Variants in TXK observed in about 807,000 individuals in gnomAD.
TXK encodes the protein TXK tyrosine kinase, also known as tyrosine-protein kinase TXK.
Under a neutral mutation model 81.0 loss-of-function variants are expected in TXK, and 60 were observed. That is an observed-to-expected ratio of 0.74 (90% confidence interval 0.60 to 0.92). The LOEUF (loss-of-function observed/expected upper bound fraction) is 0.92, where lower values mean the gene tolerates loss of function less well. TXK is among the 40% of genes least tolerant of loss of function. The pLI is 0.00. For synonymous variants in TXK, 203 were observed against 210.7 expected (o/e 0.96, Z 0.32); for missense variants, 581 against 638.3 (o/e 0.91, Z 0.97).
intron 1 of TXK, among the ~76,000 whole-genome samples, chr4:48,126,281 T>G (rs59378694): frequency 0.022 from 3,367 of 152,348 alleles, 138 homozygotes; most frequent in African/African-American, 0.078. Flanking sequence ...ACTCCATGAA[T>G]AGTAAATCTA....
chr4:48,090,018 T>A lies in TXK; in HGVS notation c.710-194A>T, dbSNP rs1435988375. On this transcript the variant is annotated intron_variant, in intron 8 of 14. Coordinates refer to ENST00000264316, the MANE Select transcript of TXK (RefSeq NM_003328.3). The stretch of plus-strand genomic sequence containing the variant: ...TACTCATTGTATACAATTTAAAGAA[T>A]CTAAGGAAGTATAAAGATGACCCTA... 3.9e-5 allele frequency among the ~76,000 whole-genome samples: 6 copies of A among 152,126 alleles called. No individual in the cohort carries two copies. In the East Asian group the frequency reaches 1.2e-3, roughly 29 times the overall value.
intron 1 of TXK, among the ~76,000 whole-genome samples, chr4:48,132,337 A>T (rs1290860945): frequency 1.3e-5 from 2 of 152,186 alleles, no homozygotes; most frequent in Non-Finnish European, 2.9e-5. Flanking sequence ...AAGTATTTCC[A>T]AAACTGCACA....
At chr4:48,073,127 A>G (rs2109397731) in intron 13 of TXK, among the ~76,000 whole-genome samples, 1 of 138,356 alleles carries the variant, frequency 7.2e-6, no homozygotes, top group East Asian at 2.1e-4. Context: ...GAGTCTTGCT[A>G]GGTTGCCCAG....
rs1717538031 is a variant in TXK at position 48,086,553 on chromosome 4, C to T, written c.869G>A (p.Trp290Ter). ...GATAGCTACCTGGATATGTGACCGCCATTCACCTAAATGGACCACTCCAAA... is the reference window on the plus strand; with the variant it reads ...GATAGCTACCTGGATATGTGACCGCTATTCACCTAAATGGACCACTCCAAA... ...GQFGVVHLGE[W>*]RSHIQVAIKA... Residue 290 changes from tryptophan to a stop codon, truncating the protein, a stop_gained, in exon 10 of 15, where the codon TGG (tryptophan) becomes TAG (stop). Transcript: ENST00000264316. LOFTEE classifies it high-confidence loss of function. 1.2e-6 allele frequency: 2 copies of T among 1,614,046 alleles called. No individual in the cohort carries two copies. The highest frequency in any genetic ancestry group is 8.5e-7 in the Non-Finnish European group (1 of 1,179,952).
At chr4:48,089,581 G>C (rs554453819) in intron 9 of TXK, 169 bp downstream of exon 9, 1 of 479,090 alleles carries the variant, frequency 2.1e-6, no homozygotes, top group Non-Finnish European at 4.0e-6. Flanking sequence ...TAGTAGAGAC[G>C]GGGTATCACC....
chr4:48,080,154 G>A, intron 10 of TXK, 26 bp from the exon 11 acceptor site: 2 of 1,537,886 alleles, frequency 1.3e-6, no homozygotes, highest in Non-Finnish European at 1.8e-6. Context: ...ATACACCAGT[G>A]AGCAGAATTG....
intron 13 of TXK, among the ~76,000 whole-genome samples, chr4:48,072,784 T>C (rs985595953): frequency 6.6e-6 from 1 of 152,210 alleles, no homozygotes; most frequent in Non-Finnish European, 1.5e-5. Context: ...ATATTGCTCT[T>C]CATTGGTCTC....
chr4:48,117,615 C>A (rs1349986901), intron 1 of TXK, among the ~76,000 whole-genome samples: 2 of 152,140 alleles, frequency 1.3e-5, no homozygotes, highest in Non-Finnish European at 2.9e-5. Flanking sequence ...CTACAAAAAC[C>A]AAAGTCTCAG....
intron 4 of TXK, among the ~76,000 whole-genome samples, chr4:48,110,914 C>T (rs1326530254): frequency 6.6e-6 from 1 of 152,152 alleles, no homozygotes; most frequent in African/African-American, 2.4e-5. Context: ...AAAAACACAG[C>T]AATTACAAAG....
intron 1 of TXK, among the ~76,000 whole-genome samples, chr4:48,126,360 G>GTA (rs1482330985): frequency 7.9e-5 from 12 of 152,156 alleles, no homozygotes; most frequent in African/African-American, 2.9e-4. Context: ...AGAATACAGT[G>GTA]TATGATACAC....
chr4:48,101,255 C>A (rs1426985814), intron 6 of TXK, among the ~76,000 whole-genome samples: 3 of 152,054 alleles, frequency 2.0e-5, no homozygotes, highest in African/African-American at 7.2e-5. Flanking sequence ...AATTATCAAA[C>A]ATTTCAAAAA....
intron 10 of TXK, among the ~76,000 whole-genome samples, chr4:48,080,970 G>A (rs1353859186): frequency 1.3e-5 from 2 of 151,984 alleles, no homozygotes; most frequent in African/African-American, 2.4e-5. Flanking sequence ...AGTGACTTGG[G>A]AAGACTGTGT....
chr4:48,084,778 G>A (rs1717446873), intron 10 of TXK, among the ~76,000 whole-genome samples: 3 of 151,902 alleles, frequency 2.0e-5, no homozygotes, highest in South Asian at 2.1e-4. Flanking sequence ...GACCCTCAGG[G>A]TATGGGTTGA....
intron 5 of TXK, among the ~76,000 whole-genome samples, chr4:48,109,618 T>C (rs947337517): frequency 6.6e-6 from 1 of 152,060 alleles, no homozygotes; most frequent in Non-Finnish European, 1.5e-5. Flanking sequence ...TCTCATAGAG[T>C]AATGTAGATG....
At chr4:48,081,727 G>A (rs1291277186) in intron 10 of TXK, among the ~76,000 whole-genome samples, 1 of 151,980 alleles carries the variant, frequency 6.6e-6, no homozygotes, top group Non-Finnish European at 1.5e-5. Flanking sequence ...CTGAACCCCA[G>A]ACTCATATAT....
intron 14 of TXK, among the ~76,000 whole-genome samples, chr4:48,071,146 C>T (rs1484017504): frequency 2.0e-5 from 3 of 151,984 alleles, no homozygotes; most frequent in Non-Finnish European, 2.9e-5. Flanking sequence ...GTGATCCACC[C>T]GCCTCGGCCT....
At chr4:48,106,286 C>A (rs1718455221) in intron 5 of TXK, 1 of 152,032 alleles carries the variant, frequency 6.6e-6, no homozygotes, top group Non-Finnish European at 1.5e-5. Context: ...ATTCAGAATT[C>A]TATCAGGCAG....
Position 48,112,410 on chromosome 4 carries a change from A to C in TXK, c.277T>G (p.Phe93Val). The change falls in exon 4 of 15, where the codon TTT becomes GTT. Residue 93 changes from phenylalanine to valine, a missense_variant. Coordinates refer to ENST00000264316, the MANE Select transcript of TXK (RefSeq NM_003328.3). The stretch of plus-strand genomic sequence containing the variant: ...AAATTACAGGGTTCTCTGGGCAGAA[A>C]ATCATAAAGTGCCTTGACTTGGATC... Reference protein sequence around the residue: ...EKIQVKALYDFLPREPCNLAL... With the variant: ...EKIQVKALYDVLPREPCNLAL... 1 of 1,614,180 alleles carries C rather than the reference A, an allele frequency of 6.2e-7. No individual in the cohort carries two copies. Among genetic ancestry groups the C allele is most frequent in the Non-Finnish European group, 8.5e-7 (1 of 1,180,028 alleles).
chr4:48,132,362 C>A (rs922914738), intron 1 of TXK, among the ~76,000 whole-genome samples: 3 of 152,106 alleles, frequency 2.0e-5, no homozygotes, highest in Non-Finnish European at 4.4e-5. Flanking sequence ...ACTGAATAGT[C>A]TTCCAAAGCA....
Sources: gnomAD v4.1 joint callset for allele counts (sites outside exome capture counted in the v4.1 genomes callset) on GRCh38, gnomAD v4.1.1 for gene constraint, MANE v1.5 for transcripts, NCBI Gene and HGNC (gene_info 2026-07-23, HGNC 2026-07-21) for gene names.